ADAMTS19: variants seen among roughly 807,000 people sequenced by gnomAD.
ADAMTS19 encodes A disintegrin and metalloproteinase with thrombospondin motifs 19.
A neutral mutation model predicts 153.3 loss-of-function variants in ADAMTS19; 93 were observed. The observed-to-expected ratio is 0.61, with a 90% CI of 0.51 to 0.72. The LOEUF is 0.72. Ranked by LOEUF, ADAMTS19 falls within the 30% of genes least tolerant of loss-of-function variation. ADAMTS19 has a pLI of 0.00. For synonymous variants in ADAMTS19, 600 were observed against 556.6 expected (o/e 1.08, Z -1.10); for missense variants, 1,482 against 1,552.1 (o/e 0.95, Z 0.76).
chr5:129,643,351 G>A (rs1752892576), intron 11 of ADAMTS19, among the ~76,000 whole-genome samples: 1 of 108,784 alleles, frequency 9.2e-6, no homozygotes, highest in Non-Finnish European at 1.7e-5. Context: ...GACAGAGCCA[G>A]ACCTTGTTTC....
chr5:129,706,271 A>T (rs190278983), intron 21 of ADAMTS19, among the ~76,000 whole-genome samples: 1 of 152,350 alleles, frequency 6.6e-6, no homozygotes, highest in Admixed American at 6.5e-5. Flanking sequence ...GGTGATAAAT[A>T]GAAAAATTTA....
intron 21 of ADAMTS19, among the ~76,000 whole-genome samples, chr5:129,720,172 T>TATATATATATATATA (rs1756929118): frequency 8.3e-6 from 1 of 121,038 alleles, no homozygotes; most frequent in African/African-American, 4.6e-5. Flanking sequence ...ATATATATAT[T>TATATATATATATATA]TATTTTTTTT....
chr5:129,565,407 T>A (rs531260237), intron 7 of ADAMTS19, among the ~76,000 whole-genome samples: 2 of 152,180 alleles, frequency 1.3e-5, no homozygotes, highest in Non-Finnish European at 2.9e-5. Context: ...GGAAATATAC[T>A]TTGAAGATAA....
intron 2 of ADAMTS19, among the ~76,000 whole-genome samples, chr5:129,481,679 T>A (rs1005595482): frequency 6.6e-6 from 1 of 152,252 alleles, no homozygotes; most frequent in Admixed American, 6.5e-5. Flanking sequence ...TTCTTTTAAA[T>A]CAAAACATTA....
At chr5:129,486,967 T>C (rs1446079611) in intron 2 of ADAMTS19, among the ~76,000 whole-genome samples, 10 of 152,138 alleles carry the variant, frequency 6.6e-5, no homozygotes, top group Non-Finnish European at 1.2e-4. Context: ...TGCACATGCA[T>C]TTATCACAGT....
chr5:129,559,261 A>G (rs967088513), intron 7 of ADAMTS19, among the ~76,000 whole-genome samples: 14 of 152,122 alleles, frequency 9.2e-5, no homozygotes, highest in African/African-American at 3.4e-4. Context: ...CCAACAAAGT[A>G]TTAGAACCCA....
chr5:129,510,265 A>G (rs1027168963), intron 3 of ADAMTS19, among the ~76,000 whole-genome samples: 1 of 151,868 alleles, frequency 6.6e-6, no homozygotes. Flanking sequence ...GAGGATGTCT[A>G]TATCATCGAT....
At chr5:129,577,004 A>C (rs1206772806) in intron 7 of ADAMTS19, among the ~76,000 whole-genome samples, 4 of 152,094 alleles carry the variant, frequency 2.6e-5, no homozygotes, top group African/African-American at 4.8e-5. Flanking sequence ...ACGTGGGCTC[A>C]GGAATAACTC....
chr5:129,501,183 G>C (rs1343331996), intron 2 of ADAMTS19, among the ~76,000 whole-genome samples: 1 of 151,932 alleles, frequency 6.6e-6, no homozygotes, highest in Admixed American at 6.6e-5. Context: ...AAGATTGTAG[G>C]AAAGAAAATA....
intron 8 of ADAMTS19, among the ~76,000 whole-genome samples, chr5:129,612,399 G>C (rs536355027): frequency 1.3e-5 from 2 of 151,998 alleles, no homozygotes; most frequent in South Asian, 4.2e-4. Flanking sequence ...GTTGCTTAAA[G>C]AAAAGAATTT....
chr5:129,734,731 G>C (rs114569137), intron 21 of ADAMTS19, among the ~76,000 whole-genome samples: 9 of 151,906 alleles, frequency 5.9e-5, no homozygotes, highest in Non-Finnish European at 1.2e-4. Context: ...CTCTGTCTCA[G>C]ATCAGCCAGA....
At chr5:129,677,067 A>G (rs1208451537) in intron 16 of ADAMTS19, among the ~76,000 whole-genome samples, 1 of 152,240 alleles carries the variant, frequency 6.6e-6, no homozygotes, top group Non-Finnish European at 1.5e-5. Flanking sequence ...ACTTTAATGA[A>G]AAACAAGGAA....
intron 8 of ADAMTS19, among the ~76,000 whole-genome samples, chr5:129,615,779 G>A (rs1290295487): frequency 2.0e-5 from 3 of 151,986 alleles, no homozygotes; most frequent in African/African-American, 2.4e-5. Context: ...AAAAGGGGCA[G>A]ATAAGTAAGT....
intron 12 of ADAMTS19, 103 bp downstream of exon 12, chr5:129,647,998 C>T (rs534419483): frequency 1.5e-5 from 20 of 1,295,810 alleles, no homozygotes; most frequent in Non-Finnish European, 1.8e-5. Flanking sequence ...TCCTCAAACT[C>T]TACTCACGTT....
At chr5:129,511,312 A>C (rs754724248) in intron 3 of ADAMTS19, among the ~76,000 whole-genome samples, 2 of 151,892 alleles carry the variant, frequency 1.3e-5, no homozygotes, top group Non-Finnish European at 2.9e-5. Context: ...CTGTTTTAAA[A>C]TGACTTTGTT....
intron 12 of ADAMTS19, 108 bp downstream of exon 12, chr5:129,648,003 C>A: frequency 7.9e-7 from 1 of 1,264,996 alleles, no homozygotes; most frequent in Non-Finnish European, 1.1e-6. Context: ...AAACTCTACT[C>A]ACGTTGGAAA....
rs1349142815 is a variant in ADAMTS19, at chr5:129,632,054, G to A, written c.1770+9706G>A. Among the ~76,000 whole-genome samples the A allele has an allele frequency of 4.6e-5, 7 of 151,890 alleles. No individual in the cohort carries two copies. The East Asian group carries it at 1.2e-3, about 25-fold the overall frequency. Reference sequence around the variant, plus strand: ...GGGATCACACATCTTTATTTAAAGGGCCAGATAGTAAATATATTAGGCTTG... The same window carrying A: ...GGGATCACACATCTTTATTTAAAGGACCAGATAGTAAATATATTAGGCTTG... On this transcript the variant is annotated intron_variant, in intron 10 of 22. Transcript: ENST00000274487.
At chr5:129,634,025 G>A (rs77319010) in intron 10 of ADAMTS19, among the ~76,000 whole-genome samples, 2 of 151,998 alleles carry the variant, frequency 1.3e-5, no homozygotes, top group East Asian at 1.9e-4. Flanking sequence ...TTCTGTCTTC[G>A]TGAGTCTATA....
At chr5:129,619,240 G>C (rs904410351) in intron 8 of ADAMTS19, among the ~76,000 whole-genome samples, 1 of 151,998 alleles carries the variant, frequency 6.6e-6, no homozygotes, top group African/African-American at 2.4e-5. Flanking sequence ...AATCATATGA[G>C]TTCTAGAGCC....
Sources: allele counts gnomAD v4.1 joint callset (sites outside exome capture counted in the v4.1 genomes callset), GRCh38; gene constraint gnomAD v4.1.1; transcripts MANE v1.5; gene names NCBI Gene and HGNC (gene_info 2026-07-23, HGNC 2026-07-21).